The following APTX variants were observed in gnomAD, a reference collection of about 807,000 sequenced individuals.
APTX encodes forkhead-associated domain histidine triad-like protein.
A neutral mutation model predicts 42.3 loss-of-function variants in APTX; 33 were observed. The observed-to-expected ratio is 0.78, with a 90% CI of 0.59 to 1.04. The LOEUF (loss-of-function observed/expected upper bound fraction) is 1.04. Among genes scored for constraint, APTX ranks in the 50% least tolerant of loss-of-function variants. APTX has a pLI of 0.00. For missense variants in APTX, 421 were observed against 415.1 expected (o/e 1.01, Z -0.12); for synonymous variants, 130 against 146.7 (o/e 0.89, Z 0.82).
intron 4 of APTX, 94 bp from the exon 5 acceptor site, chr9:32,986,124 G>C (rs768201355): frequency 8.9e-7 from 1 of 1,127,906 alleles, no homozygotes; most frequent in Non-Finnish European, 1.3e-6. Context: ...AGTTAATACT[G>C]TGTGATAGCA....
At chr9:32,976,954 G>A (rs530879689) in intron 6 of APTX, among the ~76,000 whole-genome samples, 7 of 152,160 alleles carry the variant, frequency 4.6e-5, no homozygotes, top group Non-Finnish European at 8.8e-5. Flanking sequence ...AGCTGGTCAA[G>A]TATTATTTGA....
intron 1 of APTX, among the ~76,000 whole-genome samples, chr9:33,010,109 A>G (rs780688314): frequency 2.6e-5 from 4 of 152,152 alleles, no homozygotes; most frequent in Non-Finnish European, 5.9e-5. Flanking sequence ...TCTCCAAACC[A>G]TAAGAACCTT....
At chr9:33,020,917 GT>G (rs1838321788) in intron 1 of APTX, among the ~76,000 whole-genome samples, 1 of 151,886 alleles carries the variant, frequency 6.6e-6, no homozygotes, top group Non-Finnish European at 1.5e-5. Flanking sequence ...ATCACCTGAG[GT>G]TGGGAGTTCA....
At chr9:32,998,056 G>A (rs868114050) in intron 1 of APTX, among the ~76,000 whole-genome samples, 12 of 152,250 alleles carry the variant, frequency 7.9e-5, no homozygotes, top group Middle Eastern at 3.4e-3. Context: ...AGATGTTTAG[G>A]GGGTAAAACT....
At position 32,987,717 on chromosome 9, in the gene APTX, C is replaced by T. The variant is rs766255481; in HGVS notation, c.310G>A (p.Ala104Thr). The stretch of plus-strand genomic sequence containing the variant: ...TGTGTTTCCAGGCCAGGGTTCTTTG[C>T]CTCTTCCTCAAACTCTACAATATAT... ...YPYIVEFEEE[A>T]KNPGLETHRK... The change falls in exon 4 of 8, where the codon GCA (alanine) becomes ACA (threonine). Residue 104 changes from alanine (A) to threonine (T), a missense_variant. Transcript: ENST00000379817. 84 of 1,614,060 alleles carry T rather than the reference C, an allele frequency of 5.2e-5. No homozygotes were observed. Among genetic ancestry groups the T allele is most frequent in the Non-Finnish European group, 6.7e-5 (79 of 1,180,038 alleles).
intron 1 of APTX, chr9:33,020,016 T>TG: frequency 2.5e-6 from 1 of 404,328 alleles, no homozygotes; most frequent in South Asian, 1.0e-4. Flanking sequence ...ACACGTGCGG[T>TG]GGGGGAGCTC....
chr9:33,003,880 C>T (rs138302511), upstream of APTX, among the ~76,000 whole-genome samples: 9 of 152,342 alleles, frequency 5.9e-5, no homozygotes, highest in East Asian at 1.7e-3. Flanking sequence ...CATGTACACA[C>T]CATACTTTAT....
At chr9:32,977,764 G>A (rs1054203523) in intron 6 of APTX, among the ~76,000 whole-genome samples, 1 of 152,084 alleles carries the variant, frequency 6.6e-6, no homozygotes, top group Non-Finnish European at 1.5e-5. Flanking sequence ...CCAGGAGGCA[G>A]GGGTTTCAGG....
In APTX at chr9:32,973,629, C is replaced by A. The variant is rs574404091; in HGVS notation, c.898G>T (p.Ala300Ser). The change falls in exon 8 of 8, where the codon GCT becomes TCT. Residue 300 changes from alanine to serine, a missense_variant. Transcript: ENST00000379817. ...SQAVIEMVQE[A>S]GRVTVRDGMP... ...CCATCTCGGACAGTTACTCTACCAG[C>A]CTCTTGTACCATCTCGATCACAGCT... 1 of 1,613,524 alleles carries A rather than the reference C, an allele frequency of 6.2e-7. No individual in the cohort carries two copies. The highest frequency in any genetic ancestry group is 8.5e-7 in the Non-Finnish European group (1 of 1,179,946).
chr9:33,005,482 G>A (rs1345355247), upstream of APTX, among the ~76,000 whole-genome samples: 2 of 151,716 alleles, frequency 1.3e-5, no homozygotes, highest in African/African-American at 4.8e-5. Context: ...TGTTGCCCAG[G>A]CTGGAGTGCA....
chr9:32,998,053 TA>T (rs1286666558), intron 1 of APTX, among the ~76,000 whole-genome samples: 2 of 152,116 alleles, frequency 1.3e-5, no homozygotes, highest in African/African-American at 4.8e-5. Flanking sequence ...GAGAGATGTT[TA>T]GGGGGTAAAA....
At chr9:33,022,993 C>A (rs147595220) in intron 1 of APTX, among the ~76,000 whole-genome samples, 2 of 152,168 alleles carry the variant, frequency 1.3e-5, no homozygotes, top group African/African-American at 4.8e-5. Context: ...CACACCACCA[C>A]ACTAACTCTA....
chr9:33,018,570 G>GAAA (rs74178841), intron 1 of APTX, among the ~76,000 whole-genome samples: 1 of 114,808 alleles, frequency 8.7e-6, no homozygotes, highest in Non-Finnish European at 1.7e-5. Context: ...CTTCGTCTCA[G>GAAA]AAAAAAAAAA....
chr9:33,004,570 G>A (rs1337960325), upstream of APTX, among the ~76,000 whole-genome samples: 1 of 150,550 alleles, frequency 6.6e-6, no homozygotes, highest in Non-Finnish European at 1.5e-5. Context: ...GCAGCTGGAT[G>A]ATTTTACATT....
chr9:33,018,709 C>G (rs535197824), intron 1 of APTX, among the ~76,000 whole-genome samples: 1 of 151,352 alleles, frequency 6.6e-6, no homozygotes, highest in South Asian at 2.1e-4. Context: ...GAAACCCCAT[C>G]TCTACTAAAA....
chr9:33,015,201 G>C (rs1311523706), intron 1 of APTX, among the ~76,000 whole-genome samples: 1 of 152,164 alleles, frequency 6.6e-6, no homozygotes, highest in Non-Finnish European at 1.5e-5. Context: ...CTGGATGAAA[G>C]CATTGCCTTC....
At position 32,989,764 on chromosome 9, in the gene APTX, T is replaced by G; in HGVS notation, c.128A>C (p.Gln43Pro). 1 of 1,614,278 alleles carries G rather than the reference T, an allele frequency of 6.2e-7. No individual in the cohort carries two copies. Among genetic ancestry groups the G allele is most frequent in the South Asian group, 1.1e-5 (1 of 91,090 alleles). The change falls in exon 2 of 8, where the codon CAG (glutamine) becomes CCG (proline). Residue 43 changes from glutamine to proline, a missense_variant. Transcript: ENST00000379817. The stretch of plus-strand genomic sequence containing the variant: ...ACATTTCTATGACCAGTTACCTTGC[T>G]GTCGAGAACATTTCTTATCAGTGAT... ...TKITDKKCSR[Q>P]QVQLKAECNK...
chr9:33,003,116 G>A (rs1346952534), upstream of APTX, among the ~76,000 whole-genome samples: 2 of 152,172 alleles, frequency 1.3e-5, no homozygotes, highest in African/African-American at 2.4e-5. Context: ...CATCCCTCTC[G>A]GTTAAGGGTG....
intron 1 of APTX, among the ~76,000 whole-genome samples, chr9:33,008,370 G>A (rs766998343): frequency 5.3e-5 from 8 of 151,602 alleles, no homozygotes; most frequent in Non-Finnish European, 1.0e-4. Flanking sequence ...ATGATATTAA[G>A]GTTTCATGAT....
Sources: allele counts gnomAD v4.1 joint callset (sites outside exome capture counted in the v4.1 genomes callset), GRCh38; gene constraint gnomAD v4.1.1; transcripts MANE v1.5; gene names NCBI Gene and HGNC (gene_info 2026-07-23, HGNC 2026-07-21).